The following C3 variants were observed in gnomAD, a reference collection of about 807,000 sequenced individuals.
The protein encoded by C3 is C3 and PZP-like alpha-2-macroglobulin domain-containing protein 1.
C3 carries 97 observed loss-of-function variants against 207.9 expected under a neutral mutation model. That is an observed-to-expected ratio of 0.47 (90% CI 0.40 to 0.55). C3 has a LOEUF of 0.55. Among genes scored for constraint, C3 ranks in the 20% least tolerant of loss-of-function variants. The pLI, the probability that C3 is intolerant of heterozygous loss-of-function variation, is 0.00. For missense variants in C3, 1,684 were observed against 2,171.7 expected (o/e 0.78, Z 4.46); for synonymous variants, 848 against 857.6 (o/e 0.99, Z 0.20).
intron 4 of C3, among the ~76,000 whole-genome samples, chr19:6,715,820 T>G (rs1968021788): frequency 6.6e-6 from 1 of 151,450 alleles, no homozygotes; most frequent in African/African-American, 2.4e-5. Context: ...AAAGACGGGG[T>G]TTCACCGTGT....
chr19:6,694,311 G>A (rs750758593), intron 24 of C3, 120 bp downstream of exon 24: 2 of 847,634 alleles, frequency 2.4e-6, no homozygotes, highest in Non-Finnish European at 3.8e-6. Flanking sequence ...TGAGGGGAGT[G>A]GCTAGGAGAG....
chr19:6,709,581 G>A (rs1195441522), intron 14 of C3, 103 bp downstream of exon 14: 15 of 1,271,250 alleles, frequency 1.2e-5, no homozygotes, highest in East Asian at 1.2e-4. Flanking sequence ...TGCTTTCAGC[G>A]CATGCCCCCC....
chr19:6,686,346 C>G (rs1918009630), intron 28 of C3, 59 bp from the exon 29 acceptor site: 1 of 1,586,608 alleles, frequency 6.3e-7, no homozygotes, highest in Admixed American at 1.7e-5. Flanking sequence ...GGGGATGGCT[C>G]AGAGAAAGCT....
At chr19:6,707,038 A>T in intron 17 of C3, 38 bp downstream of exon 17, 1 of 1,269,864 alleles carries the variant, frequency 7.9e-7, no homozygotes, top group Non-Finnish European at 1.0e-6. Context: ...CCCCCATCAG[A>T]CGGCCCCCTC....
intron 7 of C3, 22 bp downstream of exon 7, chr19:6,713,970 G>A: frequency 1.3e-6 from 2 of 1,537,364 alleles, no homozygotes; most frequent in Non-Finnish European, 1.8e-6. Flanking sequence ...GCTCTTACCT[G>A]GCCCCACCCC....
chr19:6,684,526 G>T, intron 32 of C3, 34 bp downstream of exon 32: 1 of 1,581,902 alleles, frequency 6.3e-7, no homozygotes, highest in Non-Finnish European at 8.7e-7. Flanking sequence ...AGGGGTAGGA[G>T]GAAGGTGACA....
intron 17 of C3, 147 bp from the exon 18 acceptor site, chr19:6,702,726 A>T (rs1967701794): frequency 1.5e-6 from 1 of 677,818 alleles, no homozygotes; most frequent in Admixed American, 2.1e-5. Context: ...GGTGAAACCC[A>T]TCTCTACTAA....
Position 6,678,451 on chromosome 19 carries a change from G to T in C3, c.4635C>A (p.Tyr1545Ter). Residue 1545 changes from tyrosine (Y) to a stop codon, truncating the protein, a stop_gained, in exon 39 of 41, where the codon TAC (tyrosine) becomes TAA (stop). Transcript: ENST00000245907. LOFTEE classifies it high-confidence loss of function. Reference protein sequence around the residue: ...KACEPGVDYVYKTRLVKVQLS... With the variant: ...KACEPGVDYV ...GCTGAACCTTGACCAGTCGGGTCTT[G>T]TACACTGTGGGGGAGAGGCAGACAG... 6.2e-7 allele frequency: 1 copy of T among 1,614,038 alleles called. No individual in the cohort carries two copies. Among genetic ancestry groups the T allele is most frequent in the East Asian group, 2.2e-5 (1 of 44,878 alleles).
intron 27 of C3, among the ~76,000 whole-genome samples, chr19:6,689,334 TCCCTCC>T (rs1918100452): frequency 7.9e-5 from 3 of 37,748 alleles, no homozygotes; most frequent in African/African-American, 4.3e-4. Flanking sequence ...CCTACCTCCC[TCCCTCC>T]CTCCCTCCCT....
intron 27 of C3, among the ~76,000 whole-genome samples, chr19:6,687,691 A>C (rs1463760592): frequency 6.7e-6 from 1 of 150,138 alleles, no homozygotes. Flanking sequence ...TATTTTCACT[A>C]TACAGATCCA....
intron 33 of C3, 57 bp from the exon 34 acceptor site, chr19:6,682,286 C>A: frequency 1.5e-6 from 2 of 1,357,396 alleles, no homozygotes; most frequent in South Asian, 2.3e-5. Context: ...CCCCAAGGGT[C>A]TGTTCCTGGA....
In C3 at chr19:6,696,576, C is replaced by G. The variant is rs1419057744; in HGVS notation, c.2863+17G>C. 1 of 1,613,504 alleles carries G rather than the reference C, an allele frequency of 6.2e-7. No individual in the cohort carries two copies. The highest frequency in any genetic ancestry group is 8.5e-7 in the Non-Finnish European group (1 of 1,179,492). Reference sequence around the variant, plus strand: ...ACCCTGCCAGCCCCTCAGCCCCTCCCCCTGCAGCCGACTCACCACGGCCCA... The same window carrying G: ...ACCCTGCCAGCCCCTCAGCCCCTCCGCCTGCAGCCGACTCACCACGGCCCA... On this transcript the variant is annotated intron_variant, in intron 22 of 40. Transcript: ENST00000245907.
chr19:6,679,232 G>T (rs770184497), intron 37 of C3, 24 bp from the exon 38 acceptor site: 7 of 1,601,064 alleles, frequency 4.4e-6, no homozygotes, highest in South Asian at 1.1e-5. Flanking sequence ...TGGAGACAGG[G>T]TCTAAGTCCC....
chr19:6,696,669 G>T lies in C3; in HGVS notation c.2797-10C>A. 1 of 1,612,816 alleles carries T rather than the reference G, an allele frequency of 6.2e-7. No homozygotes were observed. Among genetic ancestry groups the T allele is most frequent in the Non-Finnish European group, 8.5e-7 (1 of 1,178,900 alleles). ...TTCTGATTCCTTCCGGCTACGCAGT[G>T]TTAGAGGTGGGGGGAGTCGTTGGAT... is the stretch of plus-strand genomic sequence containing the variant. On this transcript the variant is annotated splice_polypyrimidine_tract_variant and intron_variant, in intron 21 of 40. Transcript: ENST00000245907.
Position 6,713,195 on chromosome 19 carries a change from G to GAGTA in C3, c.996_997insTACT (p.His333TyrfsTer6). On this transcript the variant is annotated frameshift_variant, in exon 9 of 41. Transcript: ENST00000245907. LOFTEE classifies it high-confidence loss of function. Reference sequence around the variant, plus strand: ...CCTTCAGACTGGGCCTCACCTGAGTGCAAGATGACGGTGGCAGACACGTAC... The same window carrying GAGTA: ...CCTTCAGACTGGGCCTCACCTGAGTGAGTACAAGATGACGGTGGCAGACACGTAC... The GAGTA allele has an allele frequency of 6.2e-7, 1 of 1,613,744 alleles. No individual in the cohort carries two copies. The highest frequency in any genetic ancestry group is 1.1e-5 in the South Asian group (1 of 91,084).
chr19:6,689,298 C>CCTCTCT (rs371248769), intron 27 of C3, among the ~76,000 whole-genome samples: 2 of 113,048 alleles, frequency 1.8e-5, no homozygotes, highest in African/African-American at 3.7e-5. Context: ...CCCCACCTCT[C>CCTCTCT]CTCTCTCTCT....
Position 6,702,723 on chromosome 19 carries a change from C to T in C3, c.2246-144G>A, listed in dbSNP as rs898282322. On this transcript the variant is annotated intron_variant, in intron 17 of 40. Coordinates refer to ENST00000245907, the MANE Select transcript of C3 (RefSeq NM_000064.4). ...GACCAGCCTAGCTAACATGGTGAAA[C>T]CCATCTCTACTAAAAATACAAAAAT... 140 of 686,502 alleles carry T rather than the reference C, an allele frequency of 2.0e-4. 3 individuals carry two copies. The highest frequency in any genetic ancestry group is 2.0e-3 in the South Asian group (134 of 67,362). 42.5% of individuals were successfully genotyped at this position (686,502 alleles called of 1,614,324 possible).
intron 3 of C3, 35 bp downstream of exon 3, chr19:6,718,212 G>A (rs747756241): frequency 3.7e-6 from 6 of 1,613,914 alleles, no homozygotes; most frequent in South Asian, 2.2e-5. Context: ...CGCCCACGCC[G>A]GTGCCCCGCC....
chr19:6,687,567 A>C (rs1230899164), intron 27 of C3, among the ~76,000 whole-genome samples: 1 of 152,154 alleles, frequency 6.6e-6, no homozygotes, highest in Non-Finnish European at 1.5e-5. Context: ...CATGATTTGT[A>C]CTGTTTTCTC....
Sources: gnomAD v4.1 joint callset for allele counts (sites outside exome capture counted in the v4.1 genomes callset) on GRCh38, gnomAD v4.1.1 for gene constraint, MANE v1.5 for transcripts, NCBI Gene and HGNC (gene_info 2026-07-23, HGNC 2026-07-21) for gene names.